SLC20A2: variants seen among roughly 807,000 people sequenced by gnomAD.
The protein encoded by SLC20A2 is sodium-dependent phosphate transporter 2.
A neutral mutation model predicts 61.0 loss-of-function variants in SLC20A2; 30 were observed. That is an observed-to-expected ratio of 0.49 (90% CI 0.37 to 0.67). The LOEUF is 0.67. Among genes scored for constraint, SLC20A2 ranks in the 30% least tolerant of loss-of-function variants. SLC20A2 has a pLI of 0.00. For synonymous variants in SLC20A2, 351 were observed against 353.3 expected (o/e 0.99, Z 0.07); for missense variants, 626 against 866.4 (o/e 0.72, Z 3.48).
intron 1 of SLC20A2, among the ~76,000 whole-genome samples, chr8:42,498,685 C>T (rs569270142): frequency 5.6e-4 from 85 of 152,300 alleles, no homozygotes; most frequent in African/African-American, 2.0e-3. Flanking sequence ...AAGCTGAAGG[C>T]ATCCCTCCTG....
intron 1 of SLC20A2, chr8:42,535,250 G>A (rs957211528): frequency 6.6e-6 from 1 of 152,108 alleles, no homozygotes; most frequent in Admixed American, 6.6e-5. Context: ...GTGGGAATAA[G>A]CCTGATGTAC....
intron 8 of SLC20A2, 46 bp downstream of exon 8, chr8:42,436,943 C>T (rs1374847047): frequency 2.1e-5 from 32 of 1,519,804 alleles, no homozygotes; most frequent in East Asian, 4.6e-5. Flanking sequence ...TGGCCCCTGG[C>T]GGAGCCTCAA....
Position 42,437,525 on chromosome 8 carries a change from G to A in SLC20A2, c.987C>T (p.Gly329=), listed in dbSNP as rs149134052. The part of the protein sequence containing the change: ...HGSVKSPISN[G]TFGFDGHTRS... ...TGGTGTGGCCGTCGAAGCCGAAGGTGCCGTTGGAGATGGGCGATTTCACAG... is the reference window on the plus strand; with the variant it reads ...TGGTGTGGCCGTCGAAGCCGAAGGTACCGTTGGAGATGGGCGATTTCACAG... The change falls in exon 8 of 11, where the codon GGC becomes GGT. Residue 329 remains glycine, a synonymous_variant. Coordinates refer to ENST00000520262, the MANE Select transcript of SLC20A2 (RefSeq NM_001257180.2). The surrounding 1 kb of genome is among the most constrained non-coding windows in gnomAD (Gnocchi z 6.4). 4.5e-5 allele frequency: 73 copies of A among 1,614,060 alleles called. 1 individual carries two copies. The African/African-American group carries it at 9.3e-4, about 21-fold the overall frequency.
chr8:42,442,138 G>C (rs1804836990), intron 6 of SLC20A2, among the ~76,000 whole-genome samples: 1 of 152,088 alleles, frequency 6.6e-6, no homozygotes, highest in Admixed American at 6.5e-5. Context: ...TCTCCATGTT[G>C]GCCAGGCTGA....
At position 42,511,928 on chromosome 8, in the gene SLC20A2, C is replaced by G. The variant is rs144047066; in HGVS notation, c.-265+29893G>C. On this transcript the variant is annotated intron_variant, in intron 1 of 10. Coordinates refer to the SLC20A2 transcript ENST00000342228. ...ACCCAGAAGGATCAACAACTCAGCT[C>G]TCAGAACTATAATAGCCCAATAATT... Among the ~76,000 whole-genome samples the G allele has an allele frequency of 7.8e-3, 1,194 of 152,192 alleles. 8 individuals carry two copies. The highest frequency in any genetic ancestry group is 0.028 in the African/African-American group (1,143 of 41,500).
Position 42,444,688 on chromosome 8 carries a change from CA to C in SLC20A2, c.687del (p.Phe229LeufsTer14). On this transcript the variant is annotated frameshift_variant, in exon 6 of 11. Transcript: ENST00000520262. LOFTEE classifies it high-confidence loss of function. ...ATCCACGGACACACGAAGAGCCACA[CA>C]AAAAAAGCGAACAGGAGGGCGACAC... ...SFGVALLFAF[F>X]VWLFVCPWMR... The C allele has an allele frequency of 6.2e-7, 1 of 1,613,762 alleles. No homozygotes were observed. The highest frequency in any genetic ancestry group is 8.5e-7 in the Non-Finnish European group (1 of 1,179,812).
intron 5 of SLC20A2, among the ~76,000 whole-genome samples, chr8:42,446,672 C>T (rs1805237770): frequency 6.6e-6 from 1 of 152,166 alleles, no homozygotes; most frequent in Admixed American, 6.6e-5. Context: ...TCCACCTTTC[C>T]ACATTCCCGT....
rs1254960149 is a variant in SLC20A2 at position 42,472,296 on chromosome 8, G to A, written c.95C>T (p.Ser32Phe). Residue 32 changes from serine (S) to phenylalanine (F), a missense_variant, in exon 2 of 11, where the codon TCC (serine) becomes TTC (phenylalanine). Around this residue, in one of 3 missense-constraint regions of SLC20A2, gnomAD observed 127 missense variants for 215.4 expected, o/e 0.59. Coordinates refer to ENST00000520262, the MANE Select transcript of SLC20A2 (RefSeq NM_001257180.2). This position sits in a 1 kb window ranked among gnomAD's most constrained non-coding sequence, Gnocchi z 4.1. ...FSVGANDVAN[S>F]FGTAVGSGVV... The stretch of plus-strand genomic sequence containing the variant: ...ACCAGAGCCCACGGCTGTACCAAAG[G>A]AGTTGGCAACATCGTTTGCACCAAC... The A allele has an allele frequency of 6.2e-7, 1 of 1,614,210 alleles. No individual in the cohort carries two copies. Among genetic ancestry groups the A allele is most frequent in the East Asian group, 2.2e-5 (1 of 44,890 alleles).
At chr8:42,460,486 A>C (rs1164552261) in intron 4 of SLC20A2, among the ~76,000 whole-genome samples, 7 of 152,242 alleles carry the variant, frequency 4.6e-5, no homozygotes, top group African/African-American at 1.4e-4. Context: ...ATGAGATTTT[A>C]CAACACTCTA....
chr8:42,503,964 G>C (rs968491265), upstream of SLC20A2, among the ~76,000 whole-genome samples: 3 of 152,154 alleles, frequency 2.0e-5, no homozygotes, highest in Admixed American at 6.6e-5. Flanking sequence ...TTTAGAGCTA[G>C]GGTCTCATTC....
chr8:42,454,764 T>G (rs1220914518), intron 5 of SLC20A2, among the ~76,000 whole-genome samples: 2 of 151,844 alleles, frequency 1.3e-5, no homozygotes, highest in African/African-American at 4.8e-5. Context: ...AGAGATGGGG[T>G]CTTGCTATGT....
intron 8 of SLC20A2, among the ~76,000 whole-genome samples, chr8:42,433,802 G>A (rs1049842751): frequency 1.3e-5 from 2 of 152,158 alleles, no homozygotes; most frequent in African/African-American, 4.8e-5. Context: ...TATTGCAAAC[G>A]GCAGTGCTTT....
At chr8:42,502,222 A>G (rs1810367028), upstream of SLC20A2, 1 of 152,014 alleles carries the variant, frequency 6.6e-6, no homozygotes, top group African/African-American at 2.4e-5. Context: ...GACTTCAACC[A>G]ACCCTGGATC....
chr8:42,437,457 C>T lies in SLC20A2; in HGVS notation c.1055G>A (p.Gly352Glu). The change falls in exon 8 of 11, where the codon GGG becomes GAG. Residue 352 changes from glycine to glutamate, a missense_variant. By Grantham distance (98) the Gly-to-Glu change is moderately conservative. This residue lies in a region of SLC20A2 where 361 missense variants were observed against 422.3 expected (regional missense o/e 0.85). Coordinates refer to ENST00000520262, the MANE Select transcript of SLC20A2 (RefSeq NM_001257180.2). The surrounding 1 kb of genome is among the most constrained non-coding windows in gnomAD (Gnocchi z 6.4). ...TTTGTGCAGCAGATCTTTGTAGAGCCCCGAGTCTTTGTGCACGGTGTGGTA... is the reference window on the plus strand; with the variant it reads ...TTTGTGCAGCAGATCTTTGTAGAGCTCCGAGTCTTTGTGCACGGTGTGGTA... ...HVYHTVHKDS[G>E]LYKDLLHKIH... The T allele has an allele frequency of 6.2e-7, 1 of 1,614,076 alleles. No homozygotes were observed. Among genetic ancestry groups the T allele is most frequent in the Non-Finnish European group, 8.5e-7 (1 of 1,180,002 alleles).
chr8:42,501,088 A>G lies in SLC20A2; in HGVS notation c.-322T>C, dbSNP rs574871959. The G allele has an allele frequency of 6.6e-6, 1 of 152,232 alleles. No homozygotes were observed. Among genetic ancestry groups the G allele is most frequent in the Admixed American group, 6.5e-5 (1 of 15,288 alleles). 9.4% of individuals were successfully genotyped at this position (152,232 alleles called of 1,614,324 possible). The stretch of plus-strand genomic sequence containing the variant: ...TTCAGAAGACTGCTCTCCTGATCAC[A>G]AACACAATCTGAAGTCTAAAATAGA... On this transcript the variant is annotated 5_prime_UTR_variant, in exon 1 of 11. Coordinates refer to ENST00000520262, the MANE Select transcript of SLC20A2 (RefSeq NM_001257180.2).
At chr8:42,423,934 A>C (rs1226188811) in intron 10 of SLC20A2, among the ~76,000 whole-genome samples, 1 of 152,248 alleles carries the variant, frequency 6.6e-6, no homozygotes, top group Non-Finnish European at 1.5e-5. Flanking sequence ...AACAAGAATT[A>C]GAAATTAAAT....
intron 5 of SLC20A2, among the ~76,000 whole-genome samples, chr8:42,447,470 G>T (rs1390217049): frequency 6.6e-6 from 1 of 152,158 alleles, no homozygotes; most frequent in East Asian, 1.9e-4. Flanking sequence ...AAGGTCAGGA[G>T]ATGGAGACCA....
At chr8:42,505,274 A>G (rs1452616781), upstream of SLC20A2, among the ~76,000 whole-genome samples, 1 of 151,866 alleles carries the variant, frequency 6.6e-6, no homozygotes, top group African/African-American at 2.4e-5. Context: ...ACACCTGGCT[A>G]ATTTTTATAT....
intron 1 of SLC20A2, among the ~76,000 whole-genome samples, chr8:42,538,716 T>C (rs1002390876): frequency 3.3e-5 from 5 of 152,220 alleles, no homozygotes; most frequent in Admixed American, 6.5e-5. Flanking sequence ...TTTGAAGGAA[T>C]GAGAAACGCT....
Sources: gnomAD v4.1 joint callset for allele counts (sites outside exome capture counted in the v4.1 genomes callset) on GRCh38, gnomAD v4.1.1 for gene constraint, gnomAD v4.1.1 regional missense constraint, Gnocchi (gnomAD v3.1) non-coding constraint, MANE v1.5 for transcripts, NCBI Gene and HGNC (gene_info 2026-07-23, HGNC 2026-07-21) for gene names.